NR3C2: variants seen among roughly 807,000 people sequenced by gnomAD.
The protein encoded by NR3C2 is mineralocorticoid receptor.
NR3C2 carries 15 observed loss-of-function variants against 86.4 expected under a neutral mutation model. The observed-to-expected ratio is 0.17, with a 90% CI of 0.12 to 0.27. The LOEUF is 0.27. Among genes scored for constraint, NR3C2 ranks in the 10% least tolerant of loss-of-function variants. The pLI is 1.00. For missense variants in NR3C2, 960 were observed against 1,195.6 expected (o/e 0.80, Z 2.91); for synonymous variants, 458 against 450.5 (o/e 1.02, Z -0.21).
chr4:148,369,159 T>C (rs1376327685), intron 2 of NR3C2, among the ~76,000 whole-genome samples: 1 of 152,238 alleles, frequency 6.6e-6, no homozygotes, highest in Non-Finnish European at 1.5e-5. Context: ...CTCATTCTGC[T>C]TCATGCAAAA....
intron 4 of NR3C2, among the ~76,000 whole-genome samples, chr4:148,190,672 T>G (rs962573336): frequency 1.3e-5 from 2 of 152,236 alleles, no homozygotes; most frequent in African/African-American, 4.8e-5. Flanking sequence ...GTTTATCTCA[T>G]TTCTTAGGTC....
Position 148,232,730 on chromosome 4 carries a change from T to C in NR3C2, c.1897+27248A>G, listed in dbSNP as rs1470411553. 2.6e-5 allele frequency among the ~76,000 whole-genome samples: 4 copies of C among 152,352 alleles called. No homozygotes were observed. The South Asian group carries it at 6.2e-4, about 24-fold the overall frequency. ...TATCTTCCAATAGAAAGCTATTTCA[T>C]CTACATTGAACATCTATTGTTTAGT... On this transcript the variant is annotated intron_variant, in intron 3 of 8. Transcript: ENST00000358102.
chr4:148,294,530 C>T (rs1741951519), intron 2 of NR3C2, among the ~76,000 whole-genome samples: 1 of 147,062 alleles, frequency 6.8e-6, no homozygotes, highest in Non-Finnish European at 1.5e-5. Flanking sequence ...TCATTACCTA[C>T]TCCCTCACAA....
At chr4:148,304,121 C>A (rs1310644265) in intron 2 of NR3C2, among the ~76,000 whole-genome samples, 70 of 144,760 alleles carry the variant, frequency 4.8e-4, no homozygotes, top group Admixed American at 4.7e-3. Flanking sequence ...TCCAATGCAT[C>A]CTGAACTCCT....
At chr4:148,423,183 T>C (rs997174001) in intron 2 of NR3C2, among the ~76,000 whole-genome samples, 2 of 151,742 alleles carry the variant, frequency 1.3e-5, no homozygotes, top group Non-Finnish European at 2.9e-5. Flanking sequence ...TCTCCTTCGC[T>C]TACCAGATTA....
At chr4:148,146,297 T>C (rs1019653755) in intron 6 of NR3C2, among the ~76,000 whole-genome samples, 1 of 152,104 alleles carries the variant, frequency 6.6e-6, no homozygotes, top group Non-Finnish European at 1.5e-5. Flanking sequence ...GAAGGGACAC[T>C]GGGGCTCGCC....
intron 3 of NR3C2, among the ~76,000 whole-genome samples, chr4:148,258,752 C>T (rs763254515): frequency 3.9e-5 from 6 of 152,222 alleles, no homozygotes; most frequent in African/African-American, 7.2e-5. Context: ...TGAGTTCTAA[C>T]GACCTGGCTT....
intron 2 of NR3C2, among the ~76,000 whole-genome samples, chr4:148,297,739 G>A (rs1009297005): frequency 4.6e-5 from 7 of 152,008 alleles, no homozygotes; most frequent in African/African-American, 1.5e-4. Flanking sequence ...AGCTTATTCT[G>A]AAGAAAAACC....
intron 6 of NR3C2, among the ~76,000 whole-genome samples, chr4:148,136,087 A>AAAAAAAAAAAC (rs1560940053): frequency 3.8e-5 from 3 of 79,254 alleles, no homozygotes; most frequent in African/African-American, 1.3e-4. Context: ...CAAAAAAAAA[A>AAAAAAAAAAAC]AACACCACCA....
intron 2 of NR3C2, among the ~76,000 whole-genome samples, chr4:148,267,022 T>A (rs759636687): frequency 1.4e-4 from 21 of 152,322 alleles, no homozygotes; most frequent in Middle Eastern, 6.8e-3. Context: ...GAGGATGACA[T>A]GTTCCTATTT....
chr4:148,219,497 G>C (rs145575169), intron 3 of NR3C2, among the ~76,000 whole-genome samples: 141 of 152,312 alleles, frequency 9.3e-4, no homozygotes, highest in African/African-American at 3.3e-3. Context: ...GAAGTCAAAA[G>C]TATTTTCATA....
At chr4:148,159,316 G>A (rs1734551051) in intron 4 of NR3C2, among the ~76,000 whole-genome samples, 1 of 152,156 alleles carries the variant, frequency 6.6e-6, no homozygotes, top group Admixed American at 6.5e-5. Context: ...GCAAGCTTCT[G>A]AGATTTTATG....
At chr4:148,422,588 A>G (rs182336339) in intron 2 of NR3C2, among the ~76,000 whole-genome samples, 4 of 152,298 alleles carry the variant, frequency 2.6e-5, no homozygotes, top group East Asian at 3.9e-4. Flanking sequence ...CTACTTCTGG[A>G]AAGAGTACTG....
intron 3 of NR3C2, among the ~76,000 whole-genome samples, chr4:148,257,073 T>G (rs1201869019): frequency 6.6e-6 from 1 of 152,162 alleles, no homozygotes; most frequent in East Asian, 1.9e-4. Context: ...GGGATTATCT[T>G]CATGTTCTGT....
chr4:148,391,077 T>C (rs1332655867), intron 2 of NR3C2, among the ~76,000 whole-genome samples: 1 of 152,246 alleles, frequency 6.6e-6, no homozygotes, highest in South Asian at 2.1e-4. Context: ...CATTTTAATA[T>C]GCTTTCCCAT....
At chr4:148,213,062 G>T (rs950828286) in intron 3 of NR3C2, among the ~76,000 whole-genome samples, 1 of 151,990 alleles carries the variant, frequency 6.6e-6, no homozygotes, top group Non-Finnish European at 1.5e-5. Flanking sequence ...TTGTGAAGAG[G>T]TCATCTTTCA....
intron 4 of NR3C2, among the ~76,000 whole-genome samples, chr4:148,185,346 C>A (rs564143142): frequency 1.3e-5 from 2 of 152,294 alleles, no homozygotes; most frequent in Non-Finnish European, 2.9e-5. Flanking sequence ...ACTTGGAGCA[C>A]GTCCTCACAT....
intron 2 of NR3C2, among the ~76,000 whole-genome samples, chr4:148,328,486 C>T (rs1744070317): frequency 1.3e-5 from 2 of 152,150 alleles, no homozygotes; most frequent in South Asian, 4.1e-4. Context: ...CCTTGGTCTT[C>T]CCCTGCCAAA....
At chr4:148,104,341 G>GTTTTGGTTTGGTT (rs1553985370) in intron 8 of NR3C2, among the ~76,000 whole-genome samples, 1 of 122,342 alleles carries the variant, frequency 8.2e-6, no homozygotes. Context: ...GTTTTGGTTT[G>GTTTTGGTTTGGTT]GTTTTTTTTT....
Sources: allele counts gnomAD v4.1 joint callset (sites outside exome capture counted in the v4.1 genomes callset), GRCh38; gene constraint gnomAD v4.1.1; transcripts MANE v1.5; gene names NCBI Gene and HGNC (gene_info 2026-07-23, HGNC 2026-07-21).